Variants in NTM observed in about 807,000 individuals in gnomAD.
The protein encoded by NTM is neurotrimin, also known as IgLON family member 2.
Under a neutral mutation model 42.1 loss-of-function variants are expected in NTM, and 13 were observed. The ratio of observed to expected loss-of-function variants is 0.31; its 90% CI spans 0.20 to 0.49. The LOEUF (loss-of-function observed/expected upper bound fraction) is 0.49. NTM is among the 20% of genes least tolerant of loss of function. The pLI is 0.99. For synonymous variants in NTM, 187 were observed against 179.2 expected, an observed-to-expected ratio of 1.04 and a Z score of -0.35; for missense variants, 373 against 452.8, an observed-to-expected ratio of 0.82 and a Z score of 1.60.
At chr11:131,885,281 GA>G (rs1282628517) in intron 1 of NTM, among the ~76,000 whole-genome samples, 1 of 152,184 alleles carries the variant, frequency 6.6e-6, no homozygotes, top group Non-Finnish European at 1.5e-5. Context: ...TCCAGCTGGA[GA>G]GGAAAAGGTG....
intron 2 of NTM, among the ~76,000 whole-genome samples, chr11:131,999,357 T>C (rs749228992): frequency 5.9e-5 from 9 of 152,144 alleles, no homozygotes; most frequent in Non-Finnish European, 1.3e-4. Flanking sequence ...CAGCACGAGG[T>C]ATCTTAGTAC....
intron 1 of NTM, among the ~76,000 whole-genome samples, chr11:131,697,484 C>G (rs1379520450): frequency 6.6e-6 from 1 of 152,324 alleles, no homozygotes; most frequent in Non-Finnish European, 1.5e-5. Flanking sequence ...AGCCCTCTTT[C>G]TGAAGCTCCT....
intron 1 of NTM, among the ~76,000 whole-genome samples, chr11:131,463,387 C>T (rs1565527772): frequency 2.0e-5 from 3 of 152,200 alleles, no homozygotes; most frequent in Admixed American, 6.5e-5. Context: ...CCCCCCAGTG[C>T]GTGACCTGGG....
At chr11:132,280,488 T>C (rs1161710980) in intron 4 of NTM, among the ~76,000 whole-genome samples, 3 of 138,842 alleles carry the variant, frequency 2.2e-5, no homozygotes, top group Non-Finnish European at 4.7e-5. Flanking sequence ...TTTTTTTTTT[T>C]TTTTTTTTTT....
chr11:132,271,821 T>C (rs955441141), intron 4 of NTM, among the ~76,000 whole-genome samples: 4 of 151,936 alleles, frequency 2.6e-5, no homozygotes, highest in African/African-American at 7.2e-5. Flanking sequence ...GATTGGCAGA[T>C]ATTGTCTCTC....
At chr11:131,823,815 T>C (rs11222804) in intron 1 of NTM, among the ~76,000 whole-genome samples, 16,903 of 152,238 alleles carry the variant, frequency 0.11, 1,276 homozygotes, top group East Asian at 0.36. Flanking sequence ...TGGATTTCAA[T>C]GGCTAACCTC....
chr11:132,213,511 C>G (rs142016019), intron 4 of NTM, among the ~76,000 whole-genome samples: 1 of 152,166 alleles, frequency 6.6e-6, no homozygotes, highest in East Asian at 1.9e-4. Flanking sequence ...AGCAGCCGGT[C>G]CTTCTGTGAG....
At chr11:132,212,218 A>T in intron 4 of NTM, 71 bp downstream of exon 4, 2 of 1,260,912 alleles carry the variant, frequency 1.6e-6, no homozygotes, top group Non-Finnish European at 2.3e-6. Context: ...GTAGGAGGTT[A>T]TGGGTGCTGA....
intron 4 of NTM, among the ~76,000 whole-genome samples, chr11:132,253,228 G>T (rs577524704): frequency 1.3e-5 from 2 of 152,192 alleles, no homozygotes; most frequent in Non-Finnish European, 2.9e-5. Flanking sequence ...TTGAGGGCCT[G>T]TTAATCTCCT....
intron 2 of NTM, among the ~76,000 whole-genome samples, chr11:132,057,990 G>C (rs1187604789): frequency 6.6e-6 from 1 of 151,978 alleles, no homozygotes; most frequent in Non-Finnish European, 1.5e-5. Context: ...TCCTAGCCTT[G>C]TTCATGACTG....
intron 4 of NTM, among the ~76,000 whole-genome samples, chr11:132,258,055 C>G (rs568524311): frequency 6.6e-6 from 1 of 152,208 alleles, no homozygotes; most frequent in African/African-American, 2.4e-5. Context: ...TAACACAGCC[C>G]TTCTCAGGCA....
chr11:132,270,723 A>T (rs569588548), intron 4 of NTM, among the ~76,000 whole-genome samples: 1 of 151,432 alleles, frequency 6.6e-6, no homozygotes, highest in African/African-American at 2.4e-5. Flanking sequence ...GTATGTTAAG[A>T]TATAAAAAAC....
chr11:131,697,310 A>G (rs1259847202), intron 1 of NTM, among the ~76,000 whole-genome samples: 1 of 152,198 alleles, frequency 6.6e-6, no homozygotes, highest in Non-Finnish European at 1.5e-5. Flanking sequence ...CCTGTGCCAT[A>G]AGTGTGGGGC....
chr11:131,820,593 T>C (rs888410659), intron 1 of NTM, among the ~76,000 whole-genome samples: 3 of 152,208 alleles, frequency 2.0e-5, no homozygotes, highest in Non-Finnish European at 4.4e-5. Context: ...TGATCTGCTC[T>C]CCCTCTCTCC....
At position 132,146,389 on chromosome 11, in the gene NTM, G is replaced by C; in HGVS notation, c.275G>C (p.Ser92Thr). 1.2e-6 allele frequency: 2 copies of C among 1,614,184 alleles called. No homozygotes were observed. The highest frequency in any genetic ancestry group is 1.7e-6 in the Non-Finnish European group (2 of 1,180,046). The change falls in exon 3 of 9, where the codon AGC (serine) becomes ACC (threonine). Residue 92 changes from serine to threonine, a missense_variant. By Grantham distance (58) the Ser-to-Thr change is moderately conservative. This residue lies in a region of NTM where 312 missense variants were observed against 353.5 expected (regional missense o/e 0.88). Transcript: ENST00000683400. The surrounding 1 kb of genome is among the most constrained non-coding windows in gnomAD (Gnocchi z 4.5). ...CTGGATCCTCGCGTGGTCCTTCTGAGCAACACCCAAACGCAGTACAGCATC... is the reference window on the plus strand; with the variant it reads ...CTGGATCCTCGCGTGGTCCTTCTGACCAACACCCAAACGCAGTACAGCATC... ...WCLDPRVVLL[S>T]NTQTQYSIEI...
chr11:132,290,888 TAG>T (rs1417755376), intron 4 of NTM, among the ~76,000 whole-genome samples: 1 of 152,060 alleles, frequency 6.6e-6, no homozygotes, highest in Non-Finnish European at 1.5e-5. Context: ...ACCTGAAAAA[TAG>T]AGTGTTTCCA....
rs549007580 is a variant in NTM, at chr11:131,697,614, T to C, written c.83-213950T>C. Reference sequence around the variant, plus strand: ...TCAGTAATTTTATTTTTTCTGACAATGTTTAACCATTCCTTGAGATTTTGA... The same window carrying C: ...TCAGTAATTTTATTTTTTCTGACAACGTTTAACCATTCCTTGAGATTTTGA... On this transcript the variant is annotated intron_variant, in intron 1 of 8. Coordinates refer to ENST00000683400, the MANE Select transcript of NTM (RefSeq NM_001352005.2). Among the ~76,000 whole-genome samples the C allele has an allele frequency of 6.2e-4, 95 of 152,348 alleles. 1 individual carries two copies. Among genetic ancestry groups the C allele is most frequent in the African/African-American group, 2.2e-3 (91 of 41,580 alleles).
intron 2 of NTM, among the ~76,000 whole-genome samples, chr11:132,116,352 G>A (rs925121796): frequency 6.6e-6 from 1 of 152,212 alleles, no homozygotes; most frequent in Non-Finnish European, 1.5e-5. Flanking sequence ...CCCATAGATA[G>A]TACCCAAACA....
At chr11:131,959,422 G>T (rs568858452) in intron 2 of NTM, among the ~76,000 whole-genome samples, 8 of 152,102 alleles carry the variant, frequency 5.3e-5, no homozygotes, top group Non-Finnish European at 1.0e-4. Flanking sequence ...GAGCCTAGGG[G>T]CTTGAGACCA....
Sources: allele counts gnomAD v4.1 joint callset (sites outside exome capture counted in the v4.1 genomes callset), GRCh38; gene constraint gnomAD v4.1.1; regional missense constraint gnomAD v4.1.1; non-coding constraint Gnocchi (gnomAD v3.1); transcripts MANE v1.5; gene names NCBI Gene and HGNC (gene_info 2026-07-23, HGNC 2026-07-21).